Variants in TBC1D21 observed in about 807,000 individuals in gnomAD.
The protein encoded by TBC1D21 is male germ cell Rab GTPase-activating protein.
A neutral mutation model predicts 46.0 loss-of-function variants in TBC1D21; 38 were observed. The ratio of observed to expected loss-of-function variants is 0.83; its 90% CI spans 0.64 to 1.08. The LOEUF (loss-of-function observed/expected upper bound fraction) is 1.08. Ranked by LOEUF, TBC1D21 falls within the 50% of genes least tolerant of loss-of-function variation. The pLI, the probability that TBC1D21 is intolerant of heterozygous loss-of-function variation, is 0.00. For synonymous variants in TBC1D21, 151 were observed against 157.2 expected (o/e 0.96, Z 0.29); for missense variants, 415 against 417.9 (o/e 0.99, Z 0.06).
At chr15:73,891,955 G>A (rs2068340830), downstream of TBC1D21, among the ~76,000 whole-genome samples, 1 of 152,252 alleles carries the variant, frequency 6.6e-6, no homozygotes, top group Non-Finnish European at 1.5e-5. Context: ...GAAAGGGGCA[G>A]ATCCTGGTGA....
At chr15:73,897,989 A>C in the TBC1D21 span, among the ~76,000 whole-genome samples, 2 of 152,060 alleles carry the variant, frequency 1.3e-5, no homozygotes, top group Admixed American at 6.5e-5. Context: ...ACACATTCTC[A>C]GTGTAGTTCC....
At chr15:73,883,229 C>T (rs77909638) in intron 3 of TBC1D21, among the ~76,000 whole-genome samples, 11,844 of 152,208 alleles carry the variant, frequency 0.078, 1,148 homozygotes, top group African/African-American at 0.22. Flanking sequence ...CGGGGTGGGA[C>T]GGGGGTGTGA....
At chr15:73,887,358 T>C (rs1369851217) in intron 8 of TBC1D21, among the ~76,000 whole-genome samples, 1 of 151,230 alleles carries the variant, frequency 6.6e-6, no homozygotes. Context: ...CTCCCCTTCC[T>C]CTATCTAATG....
chr15:73,897,386 G>A, the TBC1D21 span, among the ~76,000 whole-genome samples: 1 of 152,220 alleles, frequency 6.6e-6, no homozygotes, highest in African/African-American at 2.4e-5. Flanking sequence ...TCAAAGAAAT[G>A]GTAGCTGTTG....
the TBC1D21 span, among the ~76,000 whole-genome samples, chr15:73,899,637 G>A: frequency 6.6e-6 from 1 of 152,186 alleles, no homozygotes; most frequent in African/African-American, 2.4e-5. Flanking sequence ...CGGAATCAGA[G>A]GAGAGAAAAG....
chr15:73,880,897 T>G (rs2068142284), intron 1 of TBC1D21, among the ~76,000 whole-genome samples: 1 of 152,218 alleles, frequency 6.6e-6, no homozygotes, highest in Non-Finnish European at 1.5e-5. Flanking sequence ...AACAACTTTA[T>G]AGTAGTCAAT....
At chr15:73,876,220 T>TTTTTTGTTTG (rs2068061563) in intron 1 of TBC1D21, among the ~76,000 whole-genome samples, 1 of 46,196 alleles carries the variant, frequency 2.2e-5, no homozygotes, top group African/African-American at 1.5e-4. Context: ...TTTTTTTTTT[T>TTTTTTGTTTG]TTTTTTTTTT....
At chr15:73,889,216 G>A (rs554652341), downstream of TBC1D21, 43 of 1,241,422 alleles carry the variant, frequency 3.5e-5, no homozygotes, top group Non-Finnish European at 4.6e-5. Context: ...CTGGAATAAT[G>A]GTTTGTGGTG....
downstream of TBC1D21, among the ~76,000 whole-genome samples, chr15:73,893,359 T>A (rs1329726529): frequency 1.3e-5 from 2 of 152,140 alleles, no homozygotes. Flanking sequence ...GCCATGAGCA[T>A]AAAGAAAATG....
chr15:73,890,759 G>T (rs2068330333), downstream of TBC1D21, among the ~76,000 whole-genome samples: 1 of 152,182 alleles, frequency 6.6e-6, no homozygotes, highest in Admixed American at 6.5e-5. Context: ...TAGACCACTT[G>T]CTGTCAAATC....
rs775867174 is a variant in TBC1D21 at position 73,888,423 on chromosome 15, C to T, written c.895-7C>T. ...CCACCCACAACTGCTCCCACACTCC[C>T]ATGCAGGCCTGCAACAACCTCATCG... On this transcript the variant is annotated splice_region_variant and splice_polypyrimidine_tract_variant and intron_variant, in intron 9 of 10. Transcript: ENST00000300504. 1 of 1,613,032 alleles carries T rather than the reference C, an allele frequency of 6.2e-7. No homozygotes were observed. Among genetic ancestry groups the T allele is most frequent in the East Asian group, 2.2e-5 (1 of 44,860 alleles).
downstream of TBC1D21, among the ~76,000 whole-genome samples, chr15:73,889,644 C>A (rs1302015800): frequency 6.6e-6 from 1 of 152,216 alleles, no homozygotes; most frequent in African/African-American, 2.4e-5. Flanking sequence ...AAGGGGCTGG[C>A]CTGGAAGAAC....
chr15:73,897,053 C>G, the TBC1D21 span, among the ~76,000 whole-genome samples: 3 of 152,298 alleles, frequency 2.0e-5, no homozygotes, highest in East Asian at 5.8e-4. Context: ...CACTTCCATC[C>G]CATGGCTTGG....
chr15:73,886,264 G>A lies in TBC1D21; in HGVS notation c.676+90G>A, dbSNP rs2278864. The A allele has an allele frequency of 9.1e-4, 1,058 of 1,161,988 alleles. 3 individuals carry two copies. The highest frequency in any genetic ancestry group is 1.2e-3 in the Non-Finnish European group (952 of 784,994). The allele number at this position is 1,161,988 out of a possible 1,614,324, so 72.0% of individuals were successfully genotyped here. ...AACTGTCAGTCCCTAATCATGGGGG[G>A]GCTGGAGAGCAGCAGAATCATTTGA... On this transcript the variant is annotated intron_variant, in intron 7 of 10. Transcript: ENST00000300504.
chr15:73,897,606 G>T, the TBC1D21 span, among the ~76,000 whole-genome samples: 1 of 152,314 alleles, frequency 6.6e-6, no homozygotes, highest in Admixed American at 6.5e-5. Flanking sequence ...ACAAGCCCAG[G>T]ACTCCATGGG....
chr15:73,902,512 G>A, the TBC1D21 span, among the ~76,000 whole-genome samples: 656 of 152,298 alleles, frequency 4.3e-3, 2 homozygotes, highest in Non-Finnish European at 7.0e-3. Flanking sequence ...TCAAGACTTG[G>A]CTGCTGCAAG....
the TBC1D21 span, among the ~76,000 whole-genome samples, chr15:73,897,887 C>T: frequency 2.0e-5 from 3 of 152,226 alleles, no homozygotes; most frequent in Non-Finnish European, 4.4e-5. Flanking sequence ...CCCAGCAGCC[C>T]TAGGACCCTG....
At chr15:73,876,225 T>TTTTTTTTTTTTTTTGTTTG (rs2068063477) in intron 1 of TBC1D21, among the ~76,000 whole-genome samples, 4 of 59,008 alleles carry the variant, frequency 6.8e-5, no homozygotes, top group Non-Finnish European at 1.2e-4. Context: ...TTTTTTTTTT[T>TTTTTTTTTTTTTTTGTTTG]TTTTTTTTTT....
At chr15:73,895,099 C>G in the TBC1D21 span, among the ~76,000 whole-genome samples, 1 of 152,176 alleles carries the variant, frequency 6.6e-6, no homozygotes, top group Non-Finnish European at 1.5e-5. Flanking sequence ...CCAATTAAAC[C>G]AGCATATCTA....
Sources: gnomAD v4.1 joint callset for allele counts (sites outside exome capture counted in the v4.1 genomes callset) on GRCh38, gnomAD v4.1.1 for gene constraint, MANE v1.5 for transcripts, NCBI Gene and HGNC (gene_info 2026-07-23, HGNC 2026-07-21) for gene names.